Variants in MGAM observed in about 807,000 individuals in gnomAD.
MGAM encodes the protein maltase-glucoamylase.
MGAM carries 253 observed loss-of-function variants against 358.8 expected under a neutral mutation model. The ratio of observed to expected loss-of-function variants is 0.71; its 90% CI spans 0.64 to 0.78. The LOEUF is 0.78. Ranked by LOEUF, MGAM falls within the 30% of genes least tolerant of loss-of-function variation. The pLI is 0.00. For missense variants in MGAM, 3,080 were observed against 3,432.6 expected (o/e 0.90, Z 2.57); for synonymous variants, 1,105 against 1,227.1 (o/e 0.90, Z 2.08).
Position 142,097,575 on chromosome 7 carries a change from GT to G in MGAM, c.7693-15del. The G allele has an allele frequency of 6.2e-7, 1 of 1,609,988 alleles. No individual in the cohort carries two copies. The highest frequency in any genetic ancestry group is 8.5e-7 in the Non-Finnish European group (1 of 1,176,320). On this transcript the variant is annotated splice_polypyrimidine_tract_variant and intron_variant, in intron 65 of 70. Coordinates refer to ENST00000475668, the MANE Select transcript of MGAM (RefSeq NM_001365693.1). Reference sequence around the variant, plus strand: ...GAAAATGGTGCCACTGCCACACCTTGTTTATGTTTCATTTTAGAATGCCAGA... The same window carrying G: ...GAAAATGGTGCCACTGCCACACCTTGTTATGTTTCATTTTAGAATGCCAGA...
chr7:142,094,244 C>T lies in MGAM; in HGVS notation c.7173-120C>T, dbSNP rs569172795. ...GAGCCCCCATTACAGCTCAGAGTCC[C>T]GTGTTCCCTCCAATCACGCAGCAAA... On this transcript the variant is annotated intron_variant, in intron 60 of 70. Transcript: ENST00000475668. 81 of 1,218,380 alleles carry T rather than the reference C, an allele frequency of 6.6e-5. 3 individuals carry two copies. The African/African-American group carries it at 8.2e-4, about 12-fold the overall frequency. The allele number at this position is 1,218,380 out of a possible 1,614,324, so 75.5% of individuals were successfully genotyped here. A position where few individuals can be genotyped will look rare whatever the true frequency, so the allele number is the denominator to read the frequency against.
intron 21 of MGAM, among the ~76,000 whole-genome samples, chr7:142,042,609 AAT>A (rs1809076686): frequency 3.7e-5 from 1 of 27,004 alleles, no homozygotes; most frequent in Non-Finnish European, 7.4e-5. Flanking sequence ...TATAATATAT[AAT>A]ATATATTATA....
Position 142,105,810 on chromosome 7 carries a change from A to G in MGAM, c.8185-4A>G. ...CCCAATTCTTTTCCTTTGGTTCCTAACAGGTATTAAGCATCGATGTGACTG... is the reference window on the plus strand; with the variant it reads ...CCCAATTCTTTTCCTTTGGTTCCTAGCAGGTATTAAGCATCGATGTGACTG... On this transcript the variant is annotated splice_polypyrimidine_tract_variant and splice_region_variant and intron_variant, in intron 70 of 70. Coordinates refer to ENST00000475668, the MANE Select transcript of MGAM (RefSeq NM_001365693.1). 1 of 1,611,686 alleles carries G rather than the reference A, an allele frequency of 6.2e-7. No homozygotes were observed. The highest frequency in any genetic ancestry group is 2.2e-5 in the East Asian group (1 of 44,822).
chr7:142,063,697 T>C, intron 36 of MGAM, 111 bp downstream of exon 36: 1 of 1,249,340 alleles, frequency 8.0e-7, no homozygotes, highest in Admixed American at 2.2e-5. Context: ...TCATGGCTGC[T>C]GTGGTTTACT....
intron 1 of MGAM, among the ~76,000 whole-genome samples, chr7:142,003,841 G>T (rs1449561815): frequency 6.6e-6 from 1 of 150,506 alleles, no homozygotes; most frequent in African/African-American, 2.4e-5. Context: ...GAACTCAACA[G>T]GAAAAAAAAC....
At chr7:142,019,701 A>G (rs550342739) in intron 4 of MGAM, among the ~76,000 whole-genome samples, 1 of 152,302 alleles carries the variant, frequency 6.6e-6, no homozygotes, top group Admixed American at 6.5e-5. Context: ...AATTTTATAA[A>G]CATGTTATGA....
intron 53 of MGAM, among the ~76,000 whole-genome samples, chr7:142,084,227 T>C (rs1814569071): frequency 6.8e-6 from 1 of 146,084 alleles, no homozygotes; most frequent in South Asian, 2.2e-4. Context: ...GACTGGAGCC[T>C]GTATCTAAGC....
Position 142,027,638 on chromosome 7 carries a change from A to G in MGAM, c.1124A>G (p.Tyr375Cys), listed in dbSNP as rs1244466223. The change falls in exon 10 of 71, where the codon TAC (tyrosine) becomes TGC (cysteine). Residue 375 changes from tyrosine to cysteine, a missense_variant. Physicochemically the swap from Tyr to Cys is radical, Grantham distance 194 (BLOSUM62 -2). Around this residue, in one of 5 missense-constraint regions of MGAM, gnomAD observed 1,816 missense variants for 1,840.5 expected, o/e 0.99. Coordinates refer to ENST00000475668, the MANE Select transcript of MGAM (RefSeq NM_001365693.1). ...ATTGGGCGGCCAGCCCTTCCCTCCT[A>G]CTGGGCGCTTGGATTTCACCTCAGT... ...ELIGRPALPS[Y>C]WALGFHLSRY... 6.2e-7 allele frequency: 1 copy of G among 1,613,728 alleles called. No homozygotes were observed. The highest frequency in any genetic ancestry group is 8.5e-7 in the Non-Finnish European group (1 of 1,179,726).
chr7:142,040,399 C>A, intron 20 of MGAM: 2 of 586,308 alleles, frequency 3.4e-6, no homozygotes, highest in Non-Finnish European at 6.0e-6. Flanking sequence ...ATAAGATAGG[C>A]TGACATAGTA....
intron 68 of MGAM, 145 bp from the exon 69 acceptor site, chr7:142,102,485 A>G: frequency 1.3e-6 from 1 of 752,946 alleles, no homozygotes; most frequent in Non-Finnish European, 2.1e-6. Context: ...AAAATAGAAC[A>G]CTCAAAAGAC....
At position 142,022,273 on chromosome 7, in the gene MGAM, A is replaced by G. The variant is rs782651416; in HGVS notation, c.716A>G (p.Asp239Gly). ...TGTTCTCCACCTGTGTCTAGGTTTG[A>G]CTCGAGCATTGGGCCCCTACTGTTT... ...TRRSNNRVLF[D>G]SSIGPLLFAD... Residue 239 changes from aspartate to glycine, a missense_variant, in exon 7 of 71, where the codon GAC (aspartate) becomes GGC (glycine). By Grantham distance (94) the Asp-to-Gly change is moderately conservative. Around this residue, in one of 5 missense-constraint regions of MGAM, gnomAD observed 1,816 missense variants for 1,840.5 expected, o/e 0.99. Transcript: ENST00000475668. 6.2e-7 allele frequency: 1 copy of G among 1,606,252 alleles called. No homozygotes were observed. The highest frequency in any genetic ancestry group is 1.7e-5 in the Admixed American group (1 of 59,256).
chr7:142,099,431 T>C (rs533761622), intron 66 of MGAM, among the ~76,000 whole-genome samples, 182 bp from the exon 67 acceptor site: 1 of 152,328 alleles, frequency 6.6e-6, no homozygotes, highest in African/African-American at 2.4e-5. Context: ...CAAGATATTA[T>C]AGCAGCCTTG....
intron 41 of MGAM, among the ~76,000 whole-genome samples, chr7:142,066,947 A>G (rs567767938): frequency 4.1e-5 from 6 of 146,672 alleles, no homozygotes; most frequent in African/African-American, 1.5e-4. Context: ...ATGATGCAGT[A>G]CAGCATAGAA....
intron 37 of MGAM, 134 bp downstream of exon 37, chr7:142,064,656 T>C (rs1812552115): frequency 7.7e-7 from 1 of 1,304,718 alleles, no homozygotes; most frequent in African/African-American, 1.5e-5. Flanking sequence ...ATGATTCTTA[T>C]TTATTAAACA....
In MGAM at chr7:142,021,089, A is replaced by C; in HGVS notation, c.558+6A>C. The C allele has an allele frequency of 6.3e-7, 1 of 1,577,674 alleles. No individual in the cohort carries two copies. Among genetic ancestry groups the C allele is most frequent in the Non-Finnish European group, 8.6e-7 (1 of 1,162,676 alleles). On this transcript the variant is annotated splice_donor_region_variant and intron_variant, in intron 5 of 70. Coordinates refer to ENST00000475668, the MANE Select transcript of MGAM (RefSeq NM_001365693.1). ...CTAATCGTTTCCACTTTAAGGTTGT[A>C]ATTTGTTTATTTTTTTTTAAGTTTT...
intron 4 of MGAM, among the ~76,000 whole-genome samples, chr7:142,019,767 A>C (rs1178385018): frequency 6.6e-6 from 1 of 152,086 alleles, no homozygotes; most frequent in African/African-American, 2.4e-5. Context: ...TCTTCCTCCT[A>C]CTCTAAAATG....
At chr7:142,058,650 G>C (rs561289271) in intron 31 of MGAM, among the ~76,000 whole-genome samples, 1 of 152,158 alleles carries the variant, frequency 6.6e-6, no homozygotes, top group Non-Finnish European at 1.5e-5. Context: ...GGTTTCATAA[G>C]AATAAAGTAT....
upstream of MGAM, among the ~76,000 whole-genome samples, chr7:141,993,843 C>T (rs1162829725): frequency 6.6e-6 from 1 of 152,126 alleles, no homozygotes; most frequent in African/African-American, 2.4e-5. Context: ...CGCTATTAGA[C>T]ATATCGCTTT....
chr7:141,992,498 G>A (rs1563092529), upstream of MGAM, among the ~76,000 whole-genome samples: 1 of 152,210 alleles, frequency 6.6e-6, no homozygotes, highest in Non-Finnish European at 1.5e-5. Flanking sequence ...CTTGATGGAT[G>A]TGCATTTGGG....
Sources: allele counts gnomAD v4.1 joint callset (sites outside exome capture counted in the v4.1 genomes callset), GRCh38; gene constraint gnomAD v4.1.1; regional missense constraint gnomAD v4.1.1; transcripts MANE v1.5; gene names NCBI Gene and HGNC (gene_info 2026-07-23, HGNC 2026-07-21).